Variants in CYP11A1 observed in about 807,000 individuals in gnomAD.
The protein encoded by CYP11A1 is cholesterol side-chain cleavage enzyme, mitochondrial.
A neutral mutation model predicts 51.9 loss-of-function variants in CYP11A1; 25 were observed. The observed-to-expected ratio is 0.48, with a 90% confidence interval of 0.35 to 0.67. The LOEUF is 0.67. Ranked by LOEUF, CYP11A1 falls within the 30% of genes least tolerant of loss-of-function variation. The pLI is 0.00. For synonymous variants in CYP11A1, 245 were observed against 262.1 expected, an observed-to-expected ratio of 0.93 and a Z score of 0.63; for missense variants, 578 against 680.9, an observed-to-expected ratio of 0.85 and a Z score of 1.68.
Position 74,345,060 on chromosome 15 carries a change from G to A in CYP11A1, c.609C>T (p.Phe203=). 1 of 1,614,042 alleles carries A rather than the reference G, an allele frequency of 6.2e-7. No homozygotes were observed. Among genetic ancestry groups the A allele is most frequent in the South Asian group, 1.1e-5 (1 of 91,068 alleles). The part of the protein sequence containing the change: ...NYSGDISDDL[F]RFAFESITNV... ...CCCCCTTACACTCAAAGGCAAAGCG[G>A]AACAGGTCATCACTGATGTCCCCCG... is the stretch of plus-strand genomic sequence containing the variant. Residue 203 remains phenylalanine, a synonymous_variant, in exon 3 of 9, where the codon TTC becomes TTT. Transcript: ENST00000268053. This position sits in a 1 kb window ranked among gnomAD's most constrained non-coding sequence, Gnocchi z 4.3.
At chr15:74,356,428 A>G (rs1388203129) in intron 1 of CYP11A1, 1 of 152,250 alleles carries the variant, frequency 6.6e-6, no homozygotes, top group African/African-American at 2.4e-5. Flanking sequence ...TCGCCTCAGA[A>G]GCTTCCTGGA....
chr15:74,339,319 C>A lies in CYP11A1; in HGVS notation c.1158-4G>T, dbSNP rs372603375. 1 of 1,613,726 alleles carries A rather than the reference C, an allele frequency of 6.2e-7. No homozygotes were observed. The highest frequency in any genetic ancestry group is 2.2e-5 in the East Asian group (1 of 44,862). ...GGTCACGGAGATGGGGTGAAGTCTG[C>A]GGGAGGAGGGCACTCAGAAGCTGAT... On this transcript the variant is annotated splice_region_variant and splice_polypyrimidine_tract_variant and intron_variant, in intron 6 of 8. Coordinates refer to ENST00000268053, the MANE Select transcript of CYP11A1 (RefSeq NM_000781.3).
In CYP11A1 at chr15:74,348,018, CG is replaced by C. The variant is rs779154292; in HGVS notation, c.306del (p.Ile102MetfsTer36). 1.2e-6 allele frequency: 2 copies of C among 1,614,140 alleles called. No homozygotes were observed. The highest frequency in any genetic ancestry group is 2.2e-5 in the East Asian group (1 of 44,868). On this transcript the variant is annotated frameshift_variant, in exon 2 of 9. Coordinates refer to ENST00000268053, the MANE Select transcript of CYP11A1 (RefSeq NM_000781.3). LOFTEE classifies it high-confidence loss of function. ...KLGNVESVYV[I>X]DPEDVALLFK... ...AAGAGAAGGGCCACATCTTCAGGGT[CG>C]ATGACATAAACCGACTCCACGTTGC...
chr15:74,339,328 G>A lies in CYP11A1; in HGVS notation c.1158-13C>T, dbSNP rs369183062. ...GATGGGGTGAAGTCTGCGGGAGGAG[G>A]GCACTCAGAAGCTGATGGCCCCAAA... On this transcript the variant is annotated splice_polypyrimidine_tract_variant and intron_variant, in intron 6 of 8. Coordinates refer to ENST00000268053, the MANE Select transcript of CYP11A1 (RefSeq NM_000781.3). 14 of 1,613,100 alleles carry A rather than the reference G, an allele frequency of 8.7e-6. No individual in the cohort carries two copies. The highest frequency in any genetic ancestry group is 1.7e-5 in the Admixed American group (1 of 60,004).
intron 1 of CYP11A1, among the ~76,000 whole-genome samples, chr15:74,348,635 A>G (rs1386520203): frequency 1.3e-5 from 2 of 152,240 alleles, no homozygotes; most frequent in African/African-American, 2.4e-5. Flanking sequence ...TGTCTCTATT[A>G]AAATAAAACT....
chr15:74,366,339 A>G (rs1262352050), intron 1 of CYP11A1: 1 of 825,668 alleles, frequency 1.2e-6, no homozygotes, highest in Admixed American at 6.8e-5. Context: ...GCGGGAGTGC[A>G]GTGACATGAT....
intron 4 of CYP11A1, among the ~76,000 whole-genome samples, 156 bp from the exon 5 acceptor site, chr15:74,343,293 C>T (rs116848654): frequency 1.2e-4 from 18 of 152,256 alleles, no homozygotes; most frequent in Non-Finnish European, 1.8e-4. Flanking sequence ...CTGTACTAAG[C>T]CCTTCATATC....
At chr15:74,348,785 T>A (rs1412821793) in intron 1 of CYP11A1, among the ~76,000 whole-genome samples, 1 of 152,242 alleles carries the variant, frequency 6.6e-6, no homozygotes, top group African/African-American at 2.4e-5. Flanking sequence ...CAGGCTGGAG[T>A]GCAGTGGTGT....
At chr15:74,350,715 G>C (rs1454329906) in intron 1 of CYP11A1, 1 of 152,176 alleles carries the variant, frequency 6.6e-6, no homozygotes, top group Non-Finnish European at 1.5e-5. Flanking sequence ...CCAATGGAAT[G>C]CTCTAAGGGG....
At chr15:74,348,126 G>A in intron 1 of CYP11A1, 71 bp from the exon 2 acceptor site, 1 of 1,555,640 alleles carries the variant, frequency 6.4e-7, no homozygotes. Context: ...CAGCACAGCT[G>A]CCTCACAGTT....
At chr15:74,366,209 T>C in intron 1 of CYP11A1, 1 of 984,478 alleles carries the variant, frequency 1.0e-6, no homozygotes. Context: ...GGTCTGTCGC[T>C]AGCGCCAAAC....
chr15:74,361,388 A>G (rs1045203352), intron 1 of CYP11A1: 75 of 272,416 alleles, frequency 2.8e-4, no homozygotes, highest in Non-Finnish European at 4.7e-4. Flanking sequence ...ATTTTCTTGT[A>G]TAAAGCTACT....
Position 74,361,924 on chromosome 15 carries a change from G to C in CYP11A1, c.269+5393C>G, listed in dbSNP as rs955634070. On this transcript the variant is annotated intron_variant, in intron 1 of 8. Transcript: ENST00000268053. ...GACAAGACTGAGTGGTGGATGGCAA[G>C]CATGTGGTCTTTGGCAAGGTGAAAG... 6.2e-6 allele frequency: 7 copies of C among 1,130,114 alleles called. No homozygotes were observed. In the African/African-American group the frequency reaches 1.1e-4, roughly 17 times the overall value. The allele number at this position is 1,130,114 out of a possible 1,614,324, so 70.0% of individuals were successfully genotyped here.
rs1596157008 is a variant in CYP11A1 at position 74,338,330 on chromosome 15, T to A, written c.1435-227A>T. 3.1e-5 allele frequency: 22 copies of A among 705,558 alleles called. No homozygotes were observed. The East Asian group carries it at 5.9e-4, about 19-fold the overall frequency. 43.7% of individuals were successfully genotyped at this position (705,558 alleles called of 1,614,324 possible). A position where few individuals can be genotyped will look rare whatever the true frequency, so the allele number is the denominator to read the frequency against. Reference sequence around the variant, plus strand: ...AACTTGTCTACAAACCTCAGTCCTATCCCATCCCATCACCACCATGGGGAA... The same window carrying A: ...AACTTGTCTACAAACCTCAGTCCTAACCCATCCCATCACCACCATGGGGAA... On this transcript the variant is annotated intron_variant, in intron 8 of 8. Coordinates refer to ENST00000268053, the MANE Select transcript of CYP11A1 (RefSeq NM_000781.3).
chr15:74,347,809 G>A (rs2060639004), intron 2 of CYP11A1, 91 bp downstream of exon 2: 1 of 1,403,360 alleles, frequency 7.1e-7, no homozygotes, highest in Non-Finnish European at 1.0e-6. Context: ...CACAGGGCAA[G>A]CCTGGCCTCA....
At chr15:74,342,028 C>T (rs2959021) in intron 5 of CYP11A1, among the ~76,000 whole-genome samples, 3,993 of 152,262 alleles carry the variant, frequency 0.026, 181 homozygotes, top group African/African-American at 0.091. Context: ...TTTGTTACAG[C>T]GGCCCTAGCA....
At chr15:74,342,378 G>A (rs1047159093) in intron 5 of CYP11A1, among the ~76,000 whole-genome samples, 8 of 152,298 alleles carry the variant, frequency 5.3e-5, no homozygotes, top group Admixed American at 2.6e-4. Flanking sequence ...CACTGCGCCC[G>A]GCCAGGACTG....
rs558267558 is a variant in CYP11A1 at position 74,345,407 on chromosome 15, C to T, written c.426-164G>A. ...ACCTCTCCGAGCACCCTCTGCCTCT[C>T]ACCTCCTCCCTGCTCTGCCTGGCTG... On this transcript the variant is annotated intron_variant, in intron 2 of 8. Coordinates refer to ENST00000268053, the MANE Select transcript of CYP11A1 (RefSeq NM_000781.3). The surrounding 1 kb of genome is among the most constrained non-coding windows in gnomAD (Gnocchi z 4.3). 1.4e-5 allele frequency: 10 copies of T among 692,192 alleles called. No homozygotes were observed. The highest frequency in any genetic ancestry group is 2.3e-5 in the Non-Finnish European group (9 of 388,730). The allele number at this position is 692,192 out of a possible 1,614,324, so 42.9% of individuals were successfully genotyped here.
intron 1 of CYP11A1, chr15:74,350,996 GCTCT>G (rs1043784856): frequency 6.6e-6 from 1 of 152,176 alleles, no homozygotes. Context: ...CCATACAGGA[GCTCT>G]CTCTTTCTCT....
Sources: gnomAD v4.1 joint callset for allele counts (sites outside exome capture counted in the v4.1 genomes callset) on GRCh38, gnomAD v4.1.1 for gene constraint, Gnocchi (gnomAD v3.1) non-coding constraint, MANE v1.5 for transcripts, NCBI Gene and HGNC (gene_info 2026-07-23, HGNC 2026-07-21) for gene names.